Variants in RGR observed in about 807,000 individuals in gnomAD.
The protein encoded by RGR is retinal G protein coupled receptor, also known as RPE-retinal G protein-coupled receptor.
RGR carries 30 observed loss-of-function variants against 28.6 expected under a neutral mutation model. The observed-to-expected ratio is 1.05, with a 90% confidence interval of 0.78 to 1.42. The LOEUF (loss-of-function observed/expected upper bound fraction) is 1.42. Ranked by LOEUF, RGR falls within the 40% of genes most tolerant of loss-of-function variation. The pLI is 0.00. For synonymous variants in RGR, 180 were observed against 156.4 expected (o/e 1.15, Z -1.13); for missense variants, 404 against 375.6 (o/e 1.08, Z -0.62).
At chr10:84,257,756 C>T in intron 5 of RGR, 137 bp from the exon 6 acceptor site, 1 of 721,070 alleles carries the variant, frequency 1.4e-6, no homozygotes, top group South Asian at 1.5e-5. Flanking sequence ...TCCCAAGTTC[C>T]CCTGCAGACT....
chr10:84,258,038 C>G, intron 6 of RGR, 32 bp downstream of exon 6: 1 of 1,527,882 alleles, frequency 6.5e-7, no homozygotes, highest in Non-Finnish European at 9.1e-7. Context: ...AAAACTAGAC[C>G]CCTCTCCATC....
chr10:84,251,159 T>G (rs995282450), intron 3 of RGR, among the ~76,000 whole-genome samples: 1 of 152,054 alleles, frequency 6.6e-6, no homozygotes, highest in Non-Finnish European at 1.5e-5. Flanking sequence ...CGCTTGAACC[T>G]GGGAGGTGGA....
intron 5 of RGR, chr10:84,255,578 C>T (rs778755543): frequency 1.2e-4 from 19 of 152,190 alleles, no homozygotes; most frequent in Non-Finnish European, 2.4e-4. Flanking sequence ...AATTACTATT[C>T]CCTTGCCACG....
At position 84,256,736 on chromosome 10, in the gene RGR, C is replaced by G. The variant is rs986110208; in HGVS notation, c.631-1157C>G. The stretch of plus-strand genomic sequence containing the variant: ...CGGTCCCAAGCCCTGTCTGGAGGTG[C>G]AAAGTTCACATTTACTGGAGGCTCA... On this transcript the variant is annotated intron_variant, in intron 5 of 6. Coordinates refer to ENST00000652092, the MANE Select transcript of RGR (RefSeq NM_001012720.2). Among the ~76,000 whole-genome samples the G allele has an allele frequency of 8.5e-5, 13 of 152,284 alleles. No homozygotes were observed. In the East Asian group the frequency reaches 2.3e-3, roughly 27 times the overall value.
rs751615944 is a variant in RGR at position 84,247,721 on chromosome 10, CG to C, written c.211del (p.Val71LeufsTer27). 3.7e-6 allele frequency: 6 copies of C among 1,614,088 alleles called. No individual in the cohort carries two copies. The African/African-American group carries it at 8.0e-5, about 22-fold the overall frequency. ...ACAGTGGGATCAGCCTGAATGCCCT[CG>C]TTGCAGCCACATCCAGCCTTCTCCG... Reference protein sequence around the residue: ...ADSGISLNALVAATSSLLRRW... With the variant: ...ADSGISLNALXAATSSLLRRW... On this transcript the variant is annotated frameshift_variant, in exon 2 of 7. Coordinates refer to ENST00000652092, the MANE Select transcript of RGR (RefSeq NM_001012720.2). LOFTEE classifies it high-confidence loss of function.
At position 84,254,386 on chromosome 10, in the gene RGR, C is replaced by A; in HGVS notation, c.573C>A (p.Ile191=). ...SFFNFAMPLF[I]TITSYSLMEQ... The stretch of plus-strand genomic sequence containing the variant: ...TCAACTTCGCCATGCCCCTCTTCAT[C>A]ACGATCACTTCCTACAGTCTCATGG... The change falls in exon 5 of 7, where the codon ATC becomes ATA. Residue 191 remains isoleucine, a synonymous_variant. Coordinates refer to ENST00000652092, the MANE Select transcript of RGR (RefSeq NM_001012720.2). 6.2e-7 allele frequency: 1 copy of A among 1,614,210 alleles called. No homozygotes were observed. Among genetic ancestry groups the A allele is most frequent in the Non-Finnish European group, 8.5e-7 (1 of 1,180,038 alleles).
At chr10:84,253,401 C>G (rs1842844238) in intron 4 of RGR, among the ~76,000 whole-genome samples, 1 of 152,194 alleles carries the variant, frequency 6.6e-6, no homozygotes, top group South Asian at 2.1e-4. Context: ...ACAATAGATT[C>G]AAAGAACATT....
chr10:84,250,871 G>A, intron 3 of RGR: 1 of 148,068 alleles, frequency 6.8e-6, no homozygotes, highest in East Asian at 2.0e-4. Context: ...TGGCACCACT[G>A]CACTCCAGCC....
chr10:84,257,831 G>T lies in RGR; in HGVS notation c.631-62G>T, dbSNP rs1842906170. ...GCTGAGTGCTGACCTGGTTTTCTTG[G>T]CCACATAGGGCTGTGGGCCACCTGG... On this transcript the variant is annotated intron_variant, in intron 5 of 6. Coordinates refer to ENST00000652092, the MANE Select transcript of RGR (RefSeq NM_001012720.2). The T allele has an allele frequency of 5.5e-6, 8 of 1,464,002 alleles. No individual in the cohort carries two copies. In the South Asian group the frequency reaches 8.0e-5, roughly 15 times the overall value. 90.7% of individuals were successfully genotyped at this position (1,464,002 alleles called of 1,614,324 possible). A position where few individuals can be genotyped will look rare whatever the true frequency, so the allele number is the denominator to read the frequency against.
At chr10:84,249,614 A>G (rs1300697275) in intron 3 of RGR, among the ~76,000 whole-genome samples, 1 of 152,212 alleles carries the variant, frequency 6.6e-6, no homozygotes, top group Admixed American at 6.5e-5. Context: ...CCCGGCTGAG[A>G]TGATTTTAAT....
chr10:84,247,471 T>C lies in RGR; in HGVS notation c.80-120T>C, dbSNP rs1842760443. 2.1e-5 allele frequency: 25 copies of C among 1,192,366 alleles called. No homozygotes were observed. The South Asian group carries it at 2.4e-4, about 12-fold the overall frequency. The allele number at this position is 1,192,366 out of a possible 1,614,324, so 73.9% of individuals were successfully genotyped here. ...TTATAGCATGAAGCATGCTACCCTA[T>C]ATTGATTGTCTTCCTTGTCTGTCCA... On this transcript the variant is annotated intron_variant, in intron 1 of 6. Transcript: ENST00000652092.
chr10:84,253,445 A>G (rs1211462280), intron 4 of RGR, among the ~76,000 whole-genome samples: 1 of 152,210 alleles, frequency 6.6e-6, no homozygotes, highest in East Asian at 1.9e-4. Flanking sequence ...TGCCCTGAGC[A>G]TACGCTATGA....
chr10:84,256,059 C>CCTTTTTTTTTTTTT (rs1842882251), intron 5 of RGR, among the ~76,000 whole-genome samples: 1 of 54,358 alleles, frequency 1.8e-5, no homozygotes, highest in African/African-American at 8.7e-5. Flanking sequence ...TTTTTCCTTT[C>CCTTTTTTTTTTTTT]TTTTTTTTTT....
chr10:84,253,154 C>A, intron 4 of RGR, 144 bp downstream of exon 4: 2 of 931,876 alleles, frequency 2.1e-6, no homozygotes, highest in South Asian at 1.7e-5. Flanking sequence ...TCATGATACC[C>A]ACCTGCAGGT....
intron 2 of RGR, chr10:84,248,457 TG>T: frequency 1.8e-5 from 5 of 275,284 alleles, no homozygotes; most frequent in South Asian, 1.7e-4. Flanking sequence ...CTGACCAGCC[TG>T]GGGGGTCTGC....
intron 2 of RGR, 154 bp downstream of exon 2, chr10:84,247,901 T>A (rs1446231909): frequency 2.5e-5 from 27 of 1,080,070 alleles, no homozygotes; most frequent in Non-Finnish European, 1.4e-6. Context: ...AATTCCAGAT[T>A]GATTCTGAAG....
chr10:84,253,877 C>T (rs1054389578), intron 4 of RGR, among the ~76,000 whole-genome samples: 1 of 152,180 alleles, frequency 6.6e-6, no homozygotes, highest in Admixed American at 6.5e-5. Flanking sequence ...CCCTTCACCT[C>T]CCCATGACCA....
chr10:84,247,682 C>CTTGG lies in RGR; in HGVS notation c.172_175dup (p.Ala59ValfsTer64). 6.2e-7 allele frequency: 1 copy of CTTGG among 1,614,222 alleles called. No individual in the cohort carries two copies. Among genetic ancestry groups the CTTGG allele is most frequent in the Non-Finnish European group, 8.5e-7 (1 of 1,180,052 alleles). On this transcript the variant is annotated frameshift_variant, in exon 2 of 7. Transcript: ENST00000652092. LOFTEE classifies it high-confidence loss of function. ...CTCCCTGCCACCTACTGGTGCTGAGCTTGGCTCTTGCGGACAGTGGGATCA... is the reference window on the plus strand; with the variant it reads ...CTCCCTGCCACCTACTGGTGCTGAGCTTGGTTGGCTCTTGCGGACAGTGGGATCA...
At chr10:84,253,378 C>G (rs943623656) in intron 4 of RGR, among the ~76,000 whole-genome samples, 3 of 152,136 alleles carry the variant, frequency 2.0e-5, no homozygotes, top group Non-Finnish European at 4.4e-5. Flanking sequence ...CTAGAGGGAG[C>G]CACGCCCTTG....
Sources: gnomAD v4.1 joint callset for allele counts (sites outside exome capture counted in the v4.1 genomes callset) on GRCh38, gnomAD v4.1.1 for gene constraint, MANE v1.5 for transcripts, NCBI Gene and HGNC (gene_info 2026-07-23, HGNC 2026-07-21) for gene names.